Variants in ATG2A observed in about 807,000 individuals in gnomAD.
ATG2A encodes autophagy related 2A, also known as autophagy-related protein 2 homolog A.
ATG2A carries 103 observed loss-of-function variants against 214.2 expected under a neutral mutation model. The observed-to-expected ratio is 0.48, with a 90% CI of 0.41 to 0.57. The LOEUF (loss-of-function observed/expected upper bound fraction) is 0.57, where lower values mean the gene tolerates loss of function less well. ATG2A is among the 20% of genes least tolerant of loss of function. ATG2A has a pLI of 0.00. For synonymous variants in ATG2A, 1,160 were observed against 1,142.1 expected (o/e 1.02, Z -0.32); for missense variants, 2,312 against 2,613.2 (o/e 0.88, Z 2.51).
chr11:64,898,898 G>T lies in ATG2A; in HGVS notation c.4465-56C>A. 6.5e-7 allele frequency: 1 copy of T among 1,536,684 alleles called. No individual in the cohort carries two copies. Among genetic ancestry groups the T allele is most frequent in the Non-Finnish European group, 8.9e-7 (1 of 1,129,692 alleles). ...AGCAGGGCCCCAAGAGGGAGGGAAG[G>T]GCTGGCCCCAGACCCCTTCTCTATT... On this transcript the variant is annotated intron_variant, in intron 31 of 40. Coordinates refer to ENST00000377264, the MANE Select transcript of ATG2A (RefSeq NM_015104.3). The surrounding 1 kb of genome is among the most constrained non-coding windows in gnomAD (Gnocchi z 4.5).
In ATG2A at chr11:64,898,422, G is replaced by T; in HGVS notation, c.4672-60C>A. The stretch of plus-strand genomic sequence containing the variant: ...GGCCTCTGGGGCAGCAGCTCACCCA[G>T]CTGTTCCCTGACAGCTCACCCAGCC... On this transcript the variant is annotated intron_variant, in intron 32 of 40. Coordinates refer to ENST00000377264, the MANE Select transcript of ATG2A (RefSeq NM_015104.3). The surrounding 1 kb of genome is among the most constrained non-coding windows in gnomAD (Gnocchi z 4.5). 1 of 1,465,070 alleles carries T rather than the reference G, an allele frequency of 6.8e-7. No homozygotes were observed. The allele number at this position is 1,465,070 out of a possible 1,614,324, so 90.8% of individuals were successfully genotyped here.
At position 64,898,853 on chromosome 11, in the gene ATG2A, G is replaced by T; in HGVS notation, c.4465-11C>A. On this transcript the variant is annotated splice_polypyrimidine_tract_variant and intron_variant, in intron 31 of 40. Coordinates refer to ENST00000377264, the MANE Select transcript of ATG2A (RefSeq NM_015104.3). The surrounding 1 kb of genome is among the most constrained non-coding windows in gnomAD (Gnocchi z 4.5). ...GTGCTGGAAGCTTACCTGTGGGGTG[G>T]ACAGAGGCCTGGCCAGGTAAGCAGG... is the stretch of plus-strand genomic sequence containing the variant. 1 of 1,604,854 alleles carries T rather than the reference G, an allele frequency of 6.2e-7. No homozygotes were observed. The highest frequency in any genetic ancestry group is 1.1e-5 in the South Asian group (1 of 90,972).
In ATG2A at chr11:64,911,856, T is replaced by C. The variant is rs767440359; in HGVS notation, c.1214A>G (p.Gln405Arg). Residue 405 changes from glutamine to arginine, a missense_variant, in exon 9 of 41, where the codon CAG becomes CGG. Coordinates refer to ENST00000377264, the MANE Select transcript of ATG2A (RefSeq NM_015104.3). ...CTCCAACTCACCAGCTGGGTGGGCC[T>C]GGGCAGAGAGCCGGCGGGAGGCCAT... ...SDMASRRLSA[Q>R]AHPAGKMAPN... 3.7e-6 allele frequency: 6 copies of C among 1,613,064 alleles called. 1 individual carries two copies. Among genetic ancestry groups the C allele is most frequent in the Non-Finnish European group, 4.2e-6 (5 of 1,179,908 alleles).
chr11:64,913,645 C>T lies in ATG2A; in HGVS notation c.590+176G>A, dbSNP rs1460080576. 55 of 777,548 alleles carry T rather than the reference C, an allele frequency of 7.1e-5. No individual in the cohort carries two copies. Among genetic ancestry groups the T allele is most frequent in the Non-Finnish European group, 1.0e-4 (51 of 493,246 alleles). The allele number at this position is 777,548 out of a possible 1,614,324, so 48.2% of individuals were successfully genotyped here. ...GCCACTCTGGGCCTGTATCACCTGG[C>T]CTCTGGACACCAGTCCGGGCTCACG... On this transcript the variant is annotated intron_variant, in intron 4 of 40. Transcript: ENST00000377264. This position sits in a 1 kb window ranked among gnomAD's most constrained non-coding sequence, Gnocchi z 4.3.
chr11:64,904,321 C>T (rs545400795), intron 24 of ATG2A, among the ~76,000 whole-genome samples: 96 of 151,700 alleles, frequency 6.3e-4, no homozygotes, highest in Non-Finnish European at 1.3e-3. Context: ...CCAAGGCAGG[C>T]GGATCACGAG....
rs772474586 is a variant in ATG2A, at chr11:64,894,649, C to G, written c.*324G>C. ...ACACGGATATCATCCCCTCCTCCCC[C>G]CAGACACAGAAAGACACTTGGCTGA... On this transcript the variant is annotated 3_prime_UTR_variant, in exon 41 of 41. Transcript: ENST00000377264. 1.3e-5 allele frequency: 8 copies of G among 634,934 alleles called. No individual in the cohort carries two copies. In the East Asian group the frequency reaches 1.6e-4, roughly 13 times the overall value. 39.3% of individuals were successfully genotyped at this position (634,934 alleles called of 1,614,324 possible).
intron 1 of ATG2A, among the ~76,000 whole-genome samples, chr11:64,916,414 T>C (rs1944987537): frequency 6.6e-6 from 1 of 152,142 alleles, no homozygotes; most frequent in African/African-American, 2.4e-5. Context: ...ACACGAGGTG[T>C]TGATCAACAC....
intron 1 of ATG2A, among the ~76,000 whole-genome samples, chr11:64,915,569 G>A (rs544715564): frequency 4.4e-4 from 67 of 152,296 alleles, no homozygotes; most frequent in African/African-American, 1.5e-3. Context: ...AGGGAGGAGG[G>A]GCTGGTTATC....
chr11:64,909,187 C>A (rs374880499), intron 15 of ATG2A, 37 bp from the exon 16 acceptor site: 1 of 1,605,878 alleles, frequency 6.2e-7, no homozygotes. Flanking sequence ...CCTGCAGGGC[C>A]CCCGGCACCC....
rs758581599 is a variant in ATG2A at position 64,913,010 on chromosome 11, C to A, written c.825+28G>T. The A allele has an allele frequency of 1.9e-5, 29 of 1,489,456 alleles. No homozygotes were observed. In the South Asian group the frequency reaches 2.4e-4, roughly 12 times the overall value. The allele number at this position is 1,489,456 out of a possible 1,614,324, so 92.3% of individuals were successfully genotyped here. A position where few individuals can be genotyped will look rare whatever the true frequency, so the allele number is the denominator to read the frequency against. On this transcript the variant is annotated intron_variant, in intron 6 of 40. Transcript: ENST00000377264. This position sits in a 1 kb window ranked among gnomAD's most constrained non-coding sequence, Gnocchi z 4.3. ...GAGGAGTCTTGAGATGGGGTACTCA[C>A]CCCCTCCCCAGGGGCCTGGGGACCC...
chr11:64,906,511 C>G lies in ATG2A; in HGVS notation c.3006G>C (p.Leu1002=). The G allele has an allele frequency of 1.2e-6, 2 of 1,613,144 alleles. No homozygotes were observed. The highest frequency in any genetic ancestry group is 1.7e-6 in the Non-Finnish European group (2 of 1,179,950). Residue 1002 remains leucine (L), a synonymous_variant, in exon 21 of 41, where the codon CTG becomes CTC. Coordinates refer to ENST00000377264, the MANE Select transcript of ATG2A (RefSeq NM_015104.3). ...YHRAAVDDYP[L]PSHLDLPSFA... is the part of the protein sequence containing the mutation. ...AACTGGGAAGGTCCAGGTGACTGGG[C>G]AGCGGGTAGTCATCCACGGCCGCTG...
Position 64,898,562 on chromosome 11 carries a change from C to T in ATG2A, c.4671+74G>A, listed in dbSNP as rs1387162288. The T allele has an allele frequency of 2.6e-6, 4 of 1,520,662 alleles. No homozygotes were observed. The Admixed American group carries it at 5.1e-5, about 19-fold the overall frequency. 94.2% of individuals were successfully genotyped at this position (1,520,662 alleles called of 1,614,324 possible). A position where few individuals can be genotyped will look rare whatever the true frequency, so the allele number is the denominator to read the frequency against. ...TGGGAATGCGTGTATGTGTGTGAAT[C>T]CATGCATGCGTGAAGATGTATCCCC... On this transcript the variant is annotated intron_variant, in intron 32 of 40. Coordinates refer to ENST00000377264, the MANE Select transcript of ATG2A (RefSeq NM_015104.3). This position sits in a 1 kb window ranked among gnomAD's most constrained non-coding sequence, Gnocchi z 4.5.
At position 64,906,502 on chromosome 11, in the gene ATG2A, G is replaced by A. The variant is rs1944555249; in HGVS notation, c.3015C>T (p.His1005=). The change falls in exon 21 of 41, where the codon CAC becomes CAT. Residue 1005 remains histidine, a synonymous_variant. Transcript: ENST00000377264. Reference sequence around the variant, plus strand: ...GGGGAGCGAAACTGGGAAGGTCCAGGTGACTGGGCAGCGGGTAGTCATCCA... The same window carrying A: ...GGGGAGCGAAACTGGGAAGGTCCAGATGACTGGGCAGCGGGTAGTCATCCA... ...AAVDDYPLPS[H]LDLPSFAPPA... 6.2e-7 allele frequency: 1 copy of A among 1,613,296 alleles called. No homozygotes were observed. The highest frequency in any genetic ancestry group is 8.5e-7 in the Non-Finnish European group (1 of 1,180,000).
Position 64,905,834 on chromosome 11 carries a change from T to G in ATG2A, c.3279A>C (p.Leu1093=), listed in dbSNP as rs1467984873. The change falls in exon 23 of 41, where the codon CTA becomes CTC. Residue 1093 remains leucine (L), a synonymous_variant. Transcript: ENST00000377264. ...CCAGCACAGGGTCATCCAGCACGTCTAGGAACTCCAACAACTTCAGAGGCC... is the reference window on the plus strand; with the variant it reads ...CCAGCACAGGGTCATCCAGCACGTCGAGGAACTCCAACAACTTCAGAGGCC... ...QSWHSQLLEF[L]DVLDDPVLGY... The G allele has an allele frequency of 6.2e-7, 1 of 1,613,488 alleles. No homozygotes were observed. Among genetic ancestry groups the G allele is most frequent in the South Asian group, 1.1e-5 (1 of 91,084 alleles).
chr11:64,905,769 T>C lies in ATG2A; in HGVS notation c.3344A>G (p.His1115Arg). The C allele has an allele frequency of 6.2e-7, 1 of 1,613,748 alleles. No individual in the cohort carries two copies. Among genetic ancestry groups the C allele is most frequent in the Non-Finnish European group, 8.5e-7 (1 of 1,179,952 alleles). ...ATAGTCCACAGAGCAGGAGAACAGGTGTGTGTGCAGGATGGTGATGACCGT... is the reference window on the plus strand; with the variant it reads ...ATAGTCCACAGAGCAGGAGAACAGGCGTGTGTGCAGGATGGTGATGACCGT... ...PPTVITILHT[H>R]LFSCSVDYRP... The change falls in exon 23 of 41, where the codon CAC becomes CGC. Residue 1115 changes from histidine to arginine, a missense_variant. Coordinates refer to ENST00000377264, the MANE Select transcript of ATG2A (RefSeq NM_015104.3).
Position 64,906,197 on chromosome 11 carries a change from AG to A in ATG2A, c.3184-5del. On this transcript the variant is annotated splice_region_variant and splice_polypyrimidine_tract_variant and intron_variant, in intron 21 of 40. Coordinates refer to ENST00000377264, the MANE Select transcript of ATG2A (RefSeq NM_015104.3). Reference sequence around the variant, plus strand: ...ACCGCAGTGTCACCAGGAACTCCTGAGGGTGGGGGCGCAGTCAGGGCAGTGG... The same window carrying A: ...ACCGCAGTGTCACCAGGAACTCCTGAGGTGGGGGCGCAGTCAGGGCAGTGG... The A allele has an allele frequency of 1.2e-6, 2 of 1,611,270 alleles. No individual in the cohort carries two copies. Among genetic ancestry groups the A allele is most frequent in the East Asian group, 4.5e-5 (2 of 44,826 alleles).
chr11:64,912,922 G>C, intron 6 of ATG2A, 116 bp downstream of exon 6: 1 of 775,890 alleles, frequency 1.3e-6, no homozygotes, highest in Non-Finnish European at 2.0e-6. Context: ...CTGCCAAGAA[G>C]GAAGTAAATC....
At position 64,911,125 on chromosome 11, in the gene ATG2A, T is replaced by A; in HGVS notation, c.1379A>T (p.Asp460Val). The A allele has an allele frequency of 1.9e-6, 3 of 1,614,000 alleles. No individual in the cohort carries two copies. Among genetic ancestry groups the A allele is most frequent in the Non-Finnish European group, 2.5e-6 (3 of 1,179,988 alleles). Residue 460 changes from aspartate (D) to valine (V), a missense_variant, in exon 10 of 41, where the codon GAT (aspartate) becomes GTT (valine). Physicochemically the swap from Asp to Val is radical, Grantham distance 152. Coordinates refer to ENST00000377264, the MANE Select transcript of ATG2A (RefSeq NM_015104.3). ...DLATHFFTEF[D>V]ATKDGPFGSR... is the part of the protein sequence containing the mutation. ...ACCGAAGGGCCCATCCTTGGTGGCA[T>A]CAAACTCGGTGAAAAAGTGCGTGGC...
In ATG2A at chr11:64,902,118, A is replaced by C; in HGVS notation, c.3963T>G (p.Ser1321Arg). The change falls in exon 29 of 41, where the codon AGT becomes AGG. Residue 1321 changes from serine to arginine, a missense_variant. Transcript: ENST00000377264. The part of the protein sequence containing the change: ...ISVYLFPGER[S>R]GAPPPSPPVG... ...CAGGTGGTGAAGGGGGTGGGGCCCC[A>C]CTCCGTTCACCTGGGAATAGGTAGA... is the stretch of plus-strand genomic sequence containing the variant. 6.2e-7 allele frequency: 1 copy of C among 1,613,356 alleles called. No homozygotes were observed. The highest frequency in any genetic ancestry group is 8.5e-7 in the Non-Finnish European group (1 of 1,179,888).
Sources: gnomAD v4.1 joint callset for allele counts (sites outside exome capture counted in the v4.1 genomes callset) on GRCh38, gnomAD v4.1.1 for gene constraint, Gnocchi (gnomAD v3.1) non-coding constraint, MANE v1.5 for transcripts, NCBI Gene and HGNC (gene_info 2026-07-23, HGNC 2026-07-21) for gene names.